The following NELFE variants were observed in gnomAD, a reference collection of about 807,000 sequenced individuals.
NELFE encodes the protein negative elongation factor E.
A neutral mutation model predicts 55.5 loss-of-function variants in NELFE; 26 were observed. That is an observed-to-expected ratio of 0.47 (90% CI 0.34 to 0.65). NELFE has a LOEUF of 0.65. NELFE is among the 30% of genes least tolerant of loss of function. The pLI is 0.01. For missense variants in NELFE, 403 were observed against 506.9 expected (o/e 0.80, Z 1.97); for synonymous variants, 162 against 178.0 (o/e 0.91, Z 0.72).
rs1428864477 is a variant in NELFE at position 31,953,844 on chromosome 6, AGGGGAGGCAGAGGAT to A, written c.943-28_943-14del. ...GGGTCCCGTTGAGCTGAAGCAGAAGAGGGGAGGCAGAGGATGGGGAGGAAAACATTACAGATAAAC... is the reference window on the plus strand; with the variant it reads ...GGGTCCCGTTGAGCTGAAGCAGAAGAGGGGAGGAAAACATTACAGATAAAC... On this transcript the variant is annotated splice_polypyrimidine_tract_variant and intron_variant, in intron 9 of 10. Transcript: ENST00000375429. 16 of 1,606,100 alleles carry A rather than the reference AGGGGAGGCAGAGGAT, an allele frequency of 1.0e-5. No individual in the cohort carries two copies. Among genetic ancestry groups the A allele is most frequent in the Non-Finnish European group, 1.3e-5 (15 of 1,173,760 alleles).
chr6:31,958,565 T>C, intron 1 of NELFE, 111 bp from the exon 2 acceptor site: 1 of 901,478 alleles, frequency 1.1e-6, no homozygotes, highest in Non-Finnish European at 1.8e-6. Context: ...TACTCTTGTC[T>C]TTGGCTTTCC....
At chr6:31,958,160 G>A in intron 2 of NELFE, 2 of 604,086 alleles carry the variant, frequency 3.3e-6, no homozygotes, top group Non-Finnish European at 3.0e-6. Context: ...AAAAGCCATG[G>A]GAAAGGAAGA....
At position 31,954,873 on chromosome 6, in the gene NELFE, G is replaced by C. The variant is rs771822728; in HGVS notation, c.424C>G (p.Arg142Gly). 6 of 1,565,794 alleles carry C rather than the reference G, an allele frequency of 3.8e-6. No individual in the cohort carries two copies. The highest frequency in any genetic ancestry group is 4.3e-6 in the Non-Finnish European group (5 of 1,158,760). ...CCATCTGGTCCTAGTTCTCGAAGTC[G>C]ATCACTAGAAGACACAAAGCTGGGG... ...LYESFVSSSD[R>G]LRELGPDGEE... Residue 142 changes from arginine (R) to glycine (G), a missense_variant, in exon 7 of 11, where the codon CGA (arginine) becomes GGA (glycine). This residue lies in a region of NELFE where 229 missense variants were observed against 228.3 expected (regional missense o/e 1.00). Coordinates refer to ENST00000375429, the MANE Select transcript of NELFE (RefSeq NM_002904.6). The surrounding 1 kb of genome is among the most constrained non-coding windows in gnomAD (Gnocchi z 5.5).
In NELFE at chr6:31,954,747, G is replaced by C; in HGVS notation, c.550C>G (p.Arg184Gly). The change falls in exon 7 of 11, where the codon CGA becomes GGA. Residue 184 changes from arginine (R) to glycine (G), a missense_variant. Arg to Gly is a moderately radical substitution (Grantham distance 125). This residue lies in a region of NELFE where 229 missense variants were observed against 228.3 expected (regional missense o/e 1.00). Transcript: ENST00000375429. The surrounding 1 kb of genome is among the most constrained non-coding windows in gnomAD (Gnocchi z 5.5). Reference sequence around the variant, plus strand: ...TGGCTGCGGTCCCGGCTGCGGCTTCGGGGAGGGGAGGCTGAGGAGTGGGCA... The same window carrying C: ...TGGCTGCGGTCCCGGCTGCGGCTTCCGGGAGGGGAGGCTGAGGAGTGGGCA... ...SGAHSSASPP[R>G]SRSRDRSHER... 6.2e-7 allele frequency: 1 copy of C among 1,613,420 alleles called. No homozygotes were observed. Among genetic ancestry groups the C allele is most frequent in the Middle Eastern group, 1.6e-4 (1 of 6,062 alleles).
chr6:31,953,790 G>A lies in NELFE; in HGVS notation c.984C>T (p.Asn328=). ...CCAGCATGGGCTGTTTTCGGGCTAT[G>A]TTGACTTTGAGCTGTACAGACTCCA... is the stretch of plus-strand genomic sequence containing the variant. ...TQVESVQLKV[N]IARKQPMLDA... The change falls in exon 10 of 11, where the codon AAC becomes AAT. Residue 328 remains asparagine (N), a synonymous_variant. Transcript: ENST00000375429. The A allele has an allele frequency of 6.2e-7, 1 of 1,613,096 alleles. No individual in the cohort carries two copies. The highest frequency in any genetic ancestry group is 8.5e-7 in the Non-Finnish European group (1 of 1,180,032).
In NELFE at chr6:31,952,177, G is replaced by A. The variant is rs561435164; in HGVS notation, c.*124C>T. Reference sequence around the variant, plus strand: ...ATCAAACCTGACAGCCGTTTTTAAAGGTTTAACCCCAATCCCAAGTGCTGA... The same window carrying A: ...ATCAAACCTGACAGCCGTTTTTAAAAGTTTAACCCCAATCCCAAGTGCTGA... On this transcript the variant is annotated 3_prime_UTR_variant, in exon 11 of 11. Coordinates refer to ENST00000375429, the MANE Select transcript of NELFE (RefSeq NM_002904.6). The A allele has an allele frequency of 1.5e-5, 21 of 1,437,550 alleles. No homozygotes were observed. The East Asian group carries it at 3.6e-4, about 25-fold the overall frequency. 89.0% of individuals were successfully genotyped at this position (1,437,550 alleles called of 1,614,324 possible).
rs777991837 is a variant in NELFE, at chr6:31,952,313, C to T, written c.1131G>A (p.Val377=). The T allele has an allele frequency of 1.2e-6, 2 of 1,613,250 alleles. No homozygotes were observed. The highest frequency in any genetic ancestry group is 3.3e-5 in the Admixed American group (2 of 59,998). Reference sequence around the variant, plus strand: ...CCAGCTCTGTTCCCTAGAAGCCATCCACAAGGTTTTCCTTGTAGACGTCAT... The same window carrying T: ...CCAGCTCTGTTCCCTAGAAGCCATCTACAAGGTTTTCCTTGTAGACGTCAT... ...YSDDVYKENL[V]DGF Residue 377 remains valine (V), a synonymous_variant, in exon 11 of 11, where the codon GTG becomes GTA. Coordinates refer to ENST00000375429, the MANE Select transcript of NELFE (RefSeq NM_002904.6).
chr6:31,956,622 T>C lies in NELFE; in HGVS notation c.291+71A>G, dbSNP rs1210232137. ...ATTTGCCAGTGCTTGAGTATGCATA[T>C]TTTTCCCCAAACCCATCTACATTCC... On this transcript the variant is annotated intron_variant, in intron 4 of 10. Transcript: ENST00000375429. 9 of 1,508,258 alleles carry C rather than the reference T, an allele frequency of 6.0e-6. No homozygotes were observed. In the Admixed American group the frequency reaches 1.4e-4, roughly 23 times the overall value. The allele number at this position is 1,508,258 out of a possible 1,614,324, so 93.4% of individuals were successfully genotyped here. A position where few individuals can be genotyped will look rare whatever the true frequency, so the allele number is the denominator to read the frequency against.
intron 4 of NELFE, among the ~76,000 whole-genome samples, 197 bp from the exon 5 acceptor site, chr6:31,955,490 C>T (rs2151795528): frequency 1.4e-5 from 2 of 146,824 alleles, no homozygotes; most frequent in Admixed American, 1.4e-4. Flanking sequence ...GCTCTGTTGT[C>T]CAGGCTGGAG....
intron 4 of NELFE, among the ~76,000 whole-genome samples, 161 bp from the exon 5 acceptor site, chr6:31,955,454 T>A (rs372313241): frequency 0.017 from 2,539 of 151,060 alleles, 29 homozygotes; most frequent in Non-Finnish European, 0.028. Flanking sequence ...ACTTATTTTT[T>A]TTTTTTTTTT....
chr6:31,954,459 CAT>C lies in NELFE; in HGVS notation c.743-19_743-18del, dbSNP rs1163889556. ...AATCCGACCCTTTGGGAGCACAAAT[CAT>C]AGTCACAAGACATAGACCATGCCAC... On this transcript the variant is annotated intron_variant, in intron 7 of 10. Coordinates refer to ENST00000375429, the MANE Select transcript of NELFE (RefSeq NM_002904.6). This position sits in a 1 kb window ranked among gnomAD's most constrained non-coding sequence, Gnocchi z 5.5. The C allele has an allele frequency of 6.3e-7, 1 of 1,589,964 alleles. No individual in the cohort carries two copies. Among genetic ancestry groups the C allele is most frequent in the South Asian group, 1.1e-5 (1 of 87,460 alleles).
At chr6:31,953,141 C>G (rs1771864072) in intron 10 of NELFE, among the ~76,000 whole-genome samples, 1 of 152,244 alleles carries the variant, frequency 6.6e-6, no homozygotes. Context: ...GCTCCCAGCC[C>G]TCCGACCCCT....
intron 2 of NELFE, chr6:31,957,392 C>G (rs558705721): frequency 2.0e-6 from 1 of 498,440 alleles, no homozygotes; most frequent in Non-Finnish European, 3.9e-6. Context: ...ACAGGGATAT[C>G]CAGGAGGCTA....
chr6:31,956,817 A>G lies in NELFE; in HGVS notation c.167T>C (p.Met56Thr), dbSNP rs772410599. The G allele has an allele frequency of 4.3e-6, 7 of 1,612,878 alleles. No individual in the cohort carries two copies. Among genetic ancestry groups the G allele is most frequent in the Non-Finnish European group, 5.9e-6 (7 of 1,180,036 alleles). Residue 56 changes from methionine to threonine, a missense_variant, in exon 4 of 11, where the codon ATG becomes ACG. Met to Thr is a moderately conservative substitution (Grantham distance 81). Transcript: ENST00000375429. ...CTGCTCTGTTGCTGTGGCTGTGTCC[A>G]TGACAGGCTGCTCTGATAGTGCTGG... ...VKRSLSEQPV[M>T]DTATATEQAK...
intron 1 of NELFE, chr6:31,958,677 G>C: frequency 1.4e-6 from 1 of 703,250 alleles, no homozygotes; most frequent in Non-Finnish European, 2.6e-6. Context: ...GCACCTTTAG[G>C]TACCATGTGG....
intron 10 of NELFE, among the ~76,000 whole-genome samples, chr6:31,952,634 C>G (rs1309009190): frequency 6.6e-6 from 1 of 152,212 alleles, no homozygotes; most frequent in Non-Finnish European, 1.5e-5. Context: ...TCCCAAATGT[C>G]ATTGTTGAGA....
In NELFE at chr6:31,958,609, C is replaced by T. The variant is rs901741193; in HGVS notation, c.-8-155G>A. The T allele has an allele frequency of 1.7e-5, 12 of 718,506 alleles. 1 individual carries two copies. The South Asian group carries it at 1.7e-4, about 10-fold the overall frequency. 44.5% of individuals were successfully genotyped at this position (718,506 alleles called of 1,614,324 possible). A position where few individuals can be genotyped will look rare whatever the true frequency, so the allele number is the denominator to read the frequency against. On this transcript the variant is annotated intron_variant, in intron 1 of 10. Coordinates refer to ENST00000375429, the MANE Select transcript of NELFE (RefSeq NM_002904.6). Reference sequence around the variant, plus strand: ...TGCTTAAACCAGGCTGCTGTCCAAGCTCCCGCTGGTCGGGATCATCCAGCA... The same window carrying T: ...TGCTTAAACCAGGCTGCTGTCCAAGTTCCCGCTGGTCGGGATCATCCAGCA...
At position 31,954,820 on chromosome 6, in the gene NELFE, A is replaced by C; in HGVS notation, c.477T>G (p.Gly159=). 1.3e-6 allele frequency: 2 copies of C among 1,598,426 alleles called. No homozygotes were observed. The change falls in exon 7 of 11, where the codon GGT becomes GGG. Residue 159 remains glycine (G), a synonymous_variant. Transcript: ENST00000375429. The surrounding 1 kb of genome is among the most constrained non-coding windows in gnomAD (Gnocchi z 5.5). ...AGTCAAAGCTTCGAGGGGGACCATC[A>C]CCAGCCCCTGGGCCCTCTGCCTCTT... ...DGEEAEGPGA[G]DGPPRSFDWG...
chr6:31,955,224 G>A lies in NELFE; in HGVS notation c.361C>T (p.Gln121Ter). 6.2e-7 allele frequency: 1 copy of A among 1,608,916 alleles called. No homozygotes were observed. The change falls in exon 5 of 11, where the codon CAA becomes TAA. Residue 121 changes from glutamine (Q) to a stop codon, truncating the protein, a stop_gained. Coordinates refer to ENST00000375429, the MANE Select transcript of NELFE (RefSeq NM_002904.6). LOFTEE classifies it high-confidence loss of function. Reference protein sequence around the residue: ...QRSISADDDLQESSRRPQRKS... With the variant: ...QRSISADDDL ...CAGAAATTAGGAGCCTTTACCTCTT[G>A]CAGGTCATCATCAGCAGATATGCTC...
Sources: allele counts gnomAD v4.1 joint callset (sites outside exome capture counted in the v4.1 genomes callset), GRCh38; gene constraint gnomAD v4.1.1; regional missense constraint gnomAD v4.1.1; non-coding constraint Gnocchi (gnomAD v3.1); transcripts MANE v1.5; gene names NCBI Gene and HGNC (gene_info 2026-07-23, HGNC 2026-07-21).